COL9A2: variants seen among roughly 807,000 people sequenced by gnomAD.
COL9A2 encodes the protein collagen alpha-2(IX) chain.
In COL9A2, 66 loss-of-function variants were observed where a neutral mutation model predicts 111.6. The observed-to-expected ratio is 0.59, with a 90% CI of 0.48 to 0.73. COL9A2 has a LOEUF of 0.73. COL9A2 is among the 30% of genes least tolerant of loss of function. COL9A2 has a pLI of 0.00. For synonymous variants in COL9A2, 353 were observed against 364.1 expected, an observed-to-expected ratio of 0.97 and a Z score of 0.35; for missense variants, 881 against 954.1, an observed-to-expected ratio of 0.92 and a Z score of 1.01.
intron 25 of COL9A2, 35 bp downstream of exon 25, chr1:40,304,027 GTT>G: frequency 6.4e-7 from 1 of 1,574,484 alleles, no homozygotes; most frequent in Non-Finnish European, 8.6e-7. Flanking sequence ...GCAGAGCAGG[GTT>G]GGGGGTCGCT....
In COL9A2 at chr1:40,310,408, T is replaced by C; in HGVS notation, c.685-91A>G. 1.5e-6 allele frequency: 2 copies of C among 1,321,846 alleles called. No individual in the cohort carries two copies. Among genetic ancestry groups the C allele is most frequent in the Non-Finnish European group, 2.2e-6 (2 of 920,626 alleles). The allele number at this position is 1,321,846 out of a possible 1,614,324, so 81.9% of individuals were successfully genotyped here. The stretch of plus-strand genomic sequence containing the variant: ...GCCCACCTTCAATCTTACAGTGCCC[T>C]TTTGAGGTAGGCAGCAGAGTCTCTG... On this transcript the variant is annotated intron_variant, in intron 13 of 31. Transcript: ENST00000372748. The surrounding 1 kb of genome is among the most constrained non-coding windows in gnomAD (Gnocchi z 4.9).
intron 4 of COL9A2, among the ~76,000 whole-genome samples, chr1:40,313,677 T>C (rs1260914017): frequency 6.6e-6 from 1 of 152,198 alleles, no homozygotes. Flanking sequence ...CTTTCTCCCA[T>C]CTTTCAGTGA....
intron 31 of COL9A2, 64 bp from the exon 32 acceptor site, chr1:40,301,445 G>A (rs1375063640): frequency 3.4e-5 from 49 of 1,458,172 alleles, no homozygotes; most frequent in Non-Finnish European, 4.2e-5. Flanking sequence ...AATTTTGAAG[G>A]TGGGGAAACT....
chr1:40,314,467 C>T lies in COL9A2; in HGVS notation c.151-80G>A. 1.3e-6 allele frequency: 2 copies of T among 1,530,132 alleles called. No homozygotes were observed. The highest frequency in any genetic ancestry group is 1.8e-6 in the Non-Finnish European group (2 of 1,104,044). The allele number at this position is 1,530,132 out of a possible 1,614,324, so 94.8% of individuals were successfully genotyped here. On this transcript the variant is annotated intron_variant, in intron 2 of 31. Coordinates refer to ENST00000372748, the MANE Select transcript of COL9A2 (RefSeq NM_001852.4). The surrounding 1 kb of genome is among the most constrained non-coding windows in gnomAD (Gnocchi z 4.1). ...GGCACACACAGGCCCTGGCAGGCCG[C>T]TCCCAAAGGCTCTCCTCACTCTCCT...
rs753846666 is a variant in COL9A2, at chr1:40,307,698, C to T, written c.954+5G>A. ...CCCCAGTCCCATCAGCAGCCCCACTCCTACCTTCATGCCAGGCGTGCCTGG... is the reference window on the plus strand; with the variant it reads ...CCCCAGTCCCATCAGCAGCCCCACTTCTACCTTCATGCCAGGCGTGCCTGG... On this transcript the variant is annotated splice_donor_5th_base_variant and intron_variant, in intron 18 of 31. Coordinates refer to ENST00000372748, the MANE Select transcript of COL9A2 (RefSeq NM_001852.4). The surrounding 1 kb of genome is among the most constrained non-coding windows in gnomAD (Gnocchi z 4.8). 6.2e-7 allele frequency: 1 copy of T among 1,614,032 alleles called. No individual in the cohort carries two copies. Among genetic ancestry groups the T allele is most frequent in the African/African-American group, 1.3e-5 (1 of 74,928 alleles).
intron 4 of COL9A2, among the ~76,000 whole-genome samples, chr1:40,313,934 A>C (rs994163869): frequency 2.0e-5 from 3 of 152,192 alleles, no homozygotes; most frequent in African/African-American, 7.2e-5. Context: ...TGTGAGACTA[A>C]GTCCTGACTG....
Position 40,302,598 on chromosome 1 carries a change from GC to G in COL9A2, c.1792+22del. ...CAAATCCTCACTGCCTGGCCCCCAT[GC>G]CCACCGCAGAGGAGCACTCACCCTT... On this transcript the variant is annotated intron_variant, in intron 30 of 31. Transcript: ENST00000372748. The surrounding 1 kb of genome is among the most constrained non-coding windows in gnomAD (Gnocchi z 4.5). 1 of 1,585,300 alleles carries G rather than the reference GC, an allele frequency of 6.3e-7. No homozygotes were observed.
In COL9A2 at chr1:40,303,405, G is replaced by A. The variant is rs1643947050; in HGVS notation, c.1548+125C>T. The A allele has an allele frequency of 1.4e-6, 2 of 1,399,016 alleles. No individual in the cohort carries two copies. The highest frequency in any genetic ancestry group is 2.0e-5 in the Admixed American group (1 of 51,144). The allele number at this position is 1,399,016 out of a possible 1,614,324, so 86.7% of individuals were successfully genotyped here. ...CACTCACAGCCTTCCTGTCTGCTCTGGGGCTTGGAACCAGTCTCGGGGAAG... is the reference window on the plus strand; with the variant it reads ...CACTCACAGCCTTCCTGTCTGCTCTAGGGCTTGGAACCAGTCTCGGGGAAG... On this transcript the variant is annotated intron_variant, in intron 28 of 31. Coordinates refer to ENST00000372748, the MANE Select transcript of COL9A2 (RefSeq NM_001852.4). This position sits in a 1 kb window ranked among gnomAD's most constrained non-coding sequence, Gnocchi z 4.6.
chr1:40,308,228 A>G lies in COL9A2; in HGVS notation c.864T>C (p.Arg288=). Reference sequence around the variant, plus strand: ...TCGGGCCTGTGATCCCCTGGGGTCCACGAATACCTGGGCTGCCCTGCAAAG... The same window carrying G: ...TCGGGCCTGTGATCCCCTGGGGTCCGCGAATACCTGGGCTGCCCTGCAAAG... ...EKGDEGSPGI[R]GPQGITGPKG... is the part of the protein sequence containing the mutation. The change falls in exon 17 of 32, where the codon CGT becomes CGC. Residue 288 remains arginine (R), a synonymous_variant. Transcript: ENST00000372748. 6.2e-7 allele frequency: 1 copy of G among 1,614,118 alleles called. No homozygotes were observed. The highest frequency in any genetic ancestry group is 8.5e-7 in the Non-Finnish European group (1 of 1,180,000).
rs180908956 is a variant in COL9A2, at chr1:40,312,623, G to C, written c.304-14C>G. 2 of 1,613,778 alleles carry C rather than the reference G, an allele frequency of 1.2e-6. No homozygotes were observed. The highest frequency in any genetic ancestry group is 2.2e-5 in the South Asian group (2 of 90,998). On this transcript the variant is annotated splice_polypyrimidine_tract_variant and intron_variant, in intron 5 of 31. Coordinates refer to ENST00000372748, the MANE Select transcript of COL9A2 (RefSeq NM_001852.4). This position sits in a 1 kb window ranked among gnomAD's most constrained non-coding sequence, Gnocchi z 6.0. ...CCCGGGCTGGCCCTGCAGAAGCAAC[G>C]AGAAAGGCTCAGAGGCTGGGGTTTC...
chr1:40,301,322 C>G lies in COL9A2; in HGVS notation c.1930G>C (p.Gly644Arg). ...NGKDGDRGSP[G>R]APGEAGRPGL... is the part of the protein sequence containing the mutation. ...GGTCGACCTGCCTCTCCTGGAGCCC[C>G]TGGGGACCCTCGATCTCCATCCTTG... Residue 644 changes from glycine to arginine, a missense_variant, in exon 32 of 32, where the codon GGG becomes CGG. Physicochemically the swap from Gly to Arg is moderately radical, Grantham distance 125. Transcript: ENST00000372748. 1.9e-6 allele frequency: 3 copies of G among 1,611,638 alleles called. No homozygotes were observed. Among genetic ancestry groups the G allele is most frequent in the Non-Finnish European group, 2.5e-6 (3 of 1,178,376 alleles).
At chr1:40,301,986 G>A (rs1001637084) in intron 30 of COL9A2, 97 bp from the exon 31 acceptor site, 27 of 1,261,396 alleles carry the variant, frequency 2.1e-5, no homozygotes, top group Non-Finnish European at 2.9e-5. Flanking sequence ...TTCCTGTTTT[G>A]TGCTAGTTTG....
chr1:40,310,701 A>G lies in COL9A2; in HGVS notation c.684+13T>C. 1 of 1,566,924 alleles carries G rather than the reference A, an allele frequency of 6.4e-7. No individual in the cohort carries two copies. The highest frequency in any genetic ancestry group is 8.7e-7 in the Non-Finnish European group (1 of 1,154,976). ...GAGGGAGAAGAGGGCCACTGAGGCA[A>G]GGTGTTCCTTACCGGTGGTCCAGGG... On this transcript the variant is annotated intron_variant, in intron 13 of 31. Coordinates refer to ENST00000372748, the MANE Select transcript of COL9A2 (RefSeq NM_001852.4). This position sits in a 1 kb window ranked among gnomAD's most constrained non-coding sequence, Gnocchi z 4.9.
At position 40,312,069 on chromosome 1, in the gene COL9A2, CG is replaced by C. The variant is rs1557803178; in HGVS notation, c.406del (p.Arg136GlufsTer47). On this transcript the variant is annotated frameshift_variant, in exon 8 of 32. Transcript: ENST00000372748. LOFTEE classifies it high-confidence loss of function. The surrounding 1 kb of genome is among the most constrained non-coding windows in gnomAD (Gnocchi z 6.0). ...PVGLPGEIGIRGPKGDPGPDG... is the reference protein window; with the variant it reads ...PVGLPGEIGIXGPKGDPGPDG... ...GTGGCTGAGGCTCACCTTGGGGCCTCGGATTCCAATCTCACCAGGGAGGCCA... is the reference window on the plus strand; with the variant it reads ...GTGGCTGAGGCTCACCTTGGGGCCTCGATTCCAATCTCACCAGGGAGGCCA... 6.2e-7 allele frequency: 1 copy of C among 1,600,918 alleles called. No individual in the cohort carries two copies. Among genetic ancestry groups the C allele is most frequent in the Admixed American group, 1.8e-5 (1 of 56,828 alleles).
At chr1:40,304,953 AG>A in intron 21 of COL9A2, 106 bp from the exon 22 acceptor site, 1 of 957,232 alleles carries the variant, frequency 1.0e-6, no homozygotes. Flanking sequence ...TTGCTTCATC[AG>A]GGAAGGTTTC....
At chr1:40,309,331 G>C (rs762086269) in intron 16 of COL9A2, among the ~76,000 whole-genome samples, 2 of 146,530 alleles carry the variant, frequency 1.4e-5, no homozygotes, top group Non-Finnish European at 3.0e-5. Context: ...AAAAAGAAAA[G>C]AAAATAATTT....
At chr1:40,305,563 T>A in intron 21 of COL9A2, 152 bp downstream of exon 21, 1 of 727,690 alleles carries the variant, frequency 1.4e-6, no homozygotes, top group Non-Finnish European at 2.4e-6. Flanking sequence ...GCAATGTACA[T>A]AGGGAAACAG....
Position 40,305,061 on chromosome 1 carries a change from CTTTTTTTTTTTTTTTT to C in COL9A2, c.1108-230_1108-215del, listed in dbSNP as rs869251364. 1.5e-4 allele frequency: 19 copies of C among 123,656 alleles called. 1 individual carries two copies. Among genetic ancestry groups the C allele is most frequent in the South Asian group, 1.5e-3 (13 of 8,672 alleles). 7.7% of individuals were successfully genotyped at this position (123,656 alleles called of 1,614,324 possible). On this transcript the variant is annotated intron_variant, in intron 21 of 31. Transcript: ENST00000372748. The stretch of plus-strand genomic sequence containing the variant: ...TTATCATGTGATCATTTCTTTCTTT[CTTTTTTTTTTTTTTTT>C]TTTTTTTTGAGAGGGAGTCTTGCTC...
chr1:40,308,326 C>A, intron 16 of COL9A2, 81 bp from the exon 17 acceptor site: 3 of 1,443,276 alleles, frequency 2.1e-6, no homozygotes, highest in South Asian at 2.4e-5. Flanking sequence ...CCACTGAGAA[C>A]AGTGGCCTCT....
Sources: gnomAD v4.1 joint callset for allele counts (sites outside exome capture counted in the v4.1 genomes callset) on GRCh38, gnomAD v4.1.1 for gene constraint, Gnocchi (gnomAD v3.1) non-coding constraint, MANE v1.5 for transcripts, NCBI Gene and HGNC (gene_info 2026-07-23, HGNC 2026-07-21) for gene names.